RBFOX1: variants seen among roughly 807,000 people sequenced by gnomAD.
RBFOX1 encodes RNA binding fox-1 homolog 1, also known as RNA binding protein fox-1 homolog 1.
Under a neutral mutation model 57.7 loss-of-function variants are expected in RBFOX1, and 8 were observed. The observed-to-expected ratio is 0.14, with a 90% CI of 0.08 to 0.25. RBFOX1 has a LOEUF of 0.25. Among genes scored for constraint, RBFOX1 ranks in the 10% least tolerant of loss-of-function variants. The pLI, the probability that RBFOX1 is intolerant of heterozygous loss-of-function variation, is 1.00. For missense variants in RBFOX1, 611 were observed against 548.5 expected (o/e 1.11, Z -1.14); for synonymous variants, 326 against 222.4 (o/e 1.47, Z -4.15).
intron 4 of RBFOX1, among the ~76,000 whole-genome samples, chr16:5,906,317 C>A (rs890280612): frequency 6.6e-6 from 1 of 152,184 alleles, no homozygotes; most frequent in Non-Finnish European, 1.5e-5. Flanking sequence ...AATTTGGACA[C>A]AAACACGCAC....
At chr16:7,186,105 T>G (rs1364266357) in intron 4 of RBFOX1, among the ~76,000 whole-genome samples, 1 of 151,968 alleles carries the variant, frequency 6.6e-6, no homozygotes, top group Admixed American at 6.6e-5. Flanking sequence ...GGTATTTAAT[T>G]GCACAGATAT....
chr16:5,689,402 G>A (rs998934982), intron 3 of RBFOX1, among the ~76,000 whole-genome samples: 2 of 152,182 alleles, frequency 1.3e-5, no homozygotes, highest in African/African-American at 4.8e-5. Context: ...TGGTAACTAT[G>A]ATTGTGGGAG....
chr16:6,921,401 G>T (rs1445876526), intron 3 of RBFOX1, among the ~76,000 whole-genome samples: 1 of 152,068 alleles, frequency 6.6e-6, no homozygotes. Context: ...GATCACCCAG[G>T]TTGTTGGCAC....
chr16:6,261,774 T>C (rs1164356403), intron 1 of RBFOX1, among the ~76,000 whole-genome samples: 1 of 151,974 alleles, frequency 6.6e-6, no homozygotes, highest in Non-Finnish European at 1.5e-5. Context: ...GGCAGGTGGA[T>C]CACTTGAGAT....
At chr16:6,184,396 G>T (rs917244071) in intron 1 of RBFOX1, among the ~76,000 whole-genome samples, 1 of 152,160 alleles carries the variant, frequency 6.6e-6, no homozygotes, top group African/African-American at 2.4e-5. Flanking sequence ...TTACACTCAT[G>T]GGGGTGAGAA....
At chr16:6,593,290 T>C (rs566750947) in intron 2 of RBFOX1, among the ~76,000 whole-genome samples, 12 of 152,162 alleles carry the variant, frequency 7.9e-5, no homozygotes, top group African/African-American at 7.2e-5. Flanking sequence ...AATGTATTGC[T>C]CAATACAGGG....
intron 4 of RBFOX1, among the ~76,000 whole-genome samples, chr16:7,101,485 C>T (rs1214298312): frequency 1.3e-5 from 2 of 152,080 alleles, no homozygotes; most frequent in African/African-American, 2.4e-5. Flanking sequence ...AAGGAAGAAA[C>T]TGAGATTCAG....
At chr16:6,090,906 C>G (rs1262091285) in intron 1 of RBFOX1, among the ~76,000 whole-genome samples, 2 of 152,050 alleles carry the variant, frequency 1.3e-5, no homozygotes, top group Non-Finnish European at 1.5e-5. Context: ...AGAATAAAAG[C>G]AAAACTTAAA....
chr16:6,024,678 G>T (rs9889217), intron 1 of RBFOX1, among the ~76,000 whole-genome samples: 9 of 152,020 alleles, frequency 5.9e-5, no homozygotes, highest in African/African-American at 2.2e-4. Context: ...TAGTAGGGAT[G>T]GAGTTTCCCC....
chr16:6,753,839 G>A (rs2075357000), intron 3 of RBFOX1, among the ~76,000 whole-genome samples: 1 of 152,056 alleles, frequency 6.6e-6, no homozygotes, highest in Non-Finnish European at 1.5e-5. Context: ...GGGCTTGAGG[G>A]ATTTTTGCCG....
At chr16:7,170,040 C>G (rs1451308462) in intron 4 of RBFOX1, among the ~76,000 whole-genome samples, 1 of 152,110 alleles carries the variant, frequency 6.6e-6, no homozygotes, top group South Asian at 2.1e-4. Flanking sequence ...TGCCAATGCA[C>G]TCTAGCCTAG....
chr16:6,007,799 C>T (rs1218806122), intron 4 of RBFOX1, among the ~76,000 whole-genome samples: 2 of 151,952 alleles, frequency 1.3e-5, no homozygotes, highest in East Asian at 1.9e-4. Flanking sequence ...GGAACTTAGC[C>T]AAGAGGTGAG....
chr16:6,989,350 G>C (rs765294565), intron 3 of RBFOX1, among the ~76,000 whole-genome samples: 9 of 152,124 alleles, frequency 5.9e-5, no homozygotes, highest in Non-Finnish European at 4.4e-5. Flanking sequence ...GTATCAGTCT[G>C]TCTTTTGAAG....
At chr16:5,943,938 A>G (rs75535271) in intron 4 of RBFOX1, among the ~76,000 whole-genome samples, 2 of 149,200 alleles carry the variant, frequency 1.3e-5, no homozygotes, top group African/African-American at 2.5e-5. Context: ...CTTTCCTTCT[A>G]TTTTCCATCC....
At position 6,450,834 on chromosome 16, in the gene RBFOX1, T is replaced by TAC. The variant is rs1567303794; in HGVS notation, c.-64+133778_-64+133779insCA. 1.9e-3 allele frequency among the ~76,000 whole-genome samples: 61 copies of TAC among 32,860 alleles called. 8 individuals carry two copies. Among genetic ancestry groups the TAC allele is most frequent in the African/African-American group, 6.8e-3 (48 of 7,010 alleles). 21.6% of individuals were successfully genotyped at this position (32,860 alleles called of 152,430 possible). Reference sequence around the variant, plus strand: ...ATATATATACATATATATATATATATATGTGTATATATATATATATATATA... The same window carrying TAC: ...ATATATATACATATATATATATATATACATGTGTATATATATATATATATATA... On this transcript the variant is annotated intron_variant, in intron 2 of 15. Coordinates refer to ENST00000550418, the MANE Select transcript of RBFOX1 (RefSeq NM_018723.4).
At chr16:7,485,432 C>A (rs1200301442) in intron 4 of RBFOX1, among the ~76,000 whole-genome samples, 1 of 152,174 alleles carries the variant, frequency 6.6e-6, no homozygotes, top group Non-Finnish European at 1.5e-5. Context: ...TTAACACGCT[C>A]AATAGGTTTT....
chr16:7,565,082 GA>G, intron 5 of RBFOX1, among the ~76,000 whole-genome samples: 1 of 152,294 alleles, frequency 6.6e-6, no homozygotes, highest in Non-Finnish European at 1.5e-5. Flanking sequence ...GGATCTGCAC[GA>G]GCCCCGTTTT....
intron 4 of RBFOX1, among the ~76,000 whole-genome samples, chr16:7,458,249 G>A (rs2058911318): frequency 6.6e-6 from 1 of 152,080 alleles, no homozygotes; most frequent in South Asian, 2.1e-4. Flanking sequence ...GGTTTGCAAA[G>A]GACCAGCGTC....
intron 3 of RBFOX1, chr16:6,773,714 G>C (rs1210920134): frequency 6.8e-6 from 1 of 146,346 alleles, no homozygotes; most frequent in Admixed American, 6.8e-5. Context: ...GCATTTGTGT[G>C]TGTGTATGTG....
Sources: gnomAD v4.1 joint callset for allele counts (sites outside exome capture counted in the v4.1 genomes callset) on GRCh38, gnomAD v4.1.1 for gene constraint, MANE v1.5 for transcripts, NCBI Gene and HGNC (gene_info 2026-07-23, HGNC 2026-07-21) for gene names.